Variants in SIPA1L1 observed in about 807,000 individuals in gnomAD.
The protein encoded by SIPA1L1 is signal-induced proliferation-associated 1-like protein 1.
In SIPA1L1, 26 loss-of-function variants were observed where a neutral mutation model predicts 162.7. That is an observed-to-expected ratio of 0.16 (90% confidence interval 0.12 to 0.22). The LOEUF (loss-of-function observed/expected upper bound fraction) is 0.22. Among genes scored for constraint, SIPA1L1 ranks in the 10% least tolerant of loss-of-function variants. The pLI, the probability that SIPA1L1 is intolerant of heterozygous loss-of-function variation, is 1.00. For missense variants in SIPA1L1, 1,874 were observed against 2,241.0 expected, an observed-to-expected ratio of 0.84 and a Z score of 3.31; for synonymous variants, 829 against 837.4, an observed-to-expected ratio of 0.99 and a Z score of 0.17.
intron 2 of SIPA1L1, among the ~76,000 whole-genome samples, chr14:71,492,583 G>A (rs1031295755): frequency 2.0e-5 from 3 of 152,188 alleles, no homozygotes; most frequent in Admixed American, 1.3e-4. Flanking sequence ...AAGACTGTGT[G>A]ATAGGACCAG....
chr14:71,403,018 A>G (rs2041788672), intron 2 of SIPA1L1, among the ~76,000 whole-genome samples: 1 of 152,102 alleles, frequency 6.6e-6, no homozygotes, highest in Non-Finnish European at 1.5e-5. Flanking sequence ...TTTTTGAGAG[A>G]CCTTCACATG....
chr14:71,352,187 T>C (rs971483501), intron 2 of SIPA1L1, among the ~76,000 whole-genome samples: 1 of 152,090 alleles, frequency 6.6e-6, no homozygotes, highest in Non-Finnish European at 1.5e-5. Flanking sequence ...ATGAATTTTC[T>C]GTCTTTTTCT....
rs1205382976 is a variant in SIPA1L1 at position 71,484,488 on chromosome 14, G to A, written c.-464-28255G>A. Among the ~76,000 whole-genome samples the A allele has an allele frequency of 5.3e-5, 8 of 152,104 alleles. No homozygotes were observed. The East Asian group carries it at 1.5e-3, about 29-fold the overall frequency. ...TATTAGCACTAATTTTTCCAACAAT[G>A]TTAGAAGGGGAATGATTTCATAGTG... On this transcript the variant is annotated intron_variant, in intron 2 of 23. Coordinates refer to ENST00000381232, the MANE Select transcript of SIPA1L1 (RefSeq NM_001386936.1).
At chr14:71,727,786 T>C (rs1044765097) in intron 19 of SIPA1L1, among the ~76,000 whole-genome samples, 2 of 152,216 alleles carry the variant, frequency 1.3e-5, no homozygotes, top group African/African-American at 4.8e-5. Context: ...CAGTTAGTTC[T>C]GCACACCTTT....
chr14:71,548,359 AT>A (rs1233201942), intron 4 of SIPA1L1, among the ~76,000 whole-genome samples: 5 of 152,310 alleles, frequency 3.3e-5, no homozygotes, highest in Non-Finnish European at 7.3e-5. Context: ...ATTTGAAATA[AT>A]TTTGAAAGAT....
intron 2 of SIPA1L1, among the ~76,000 whole-genome samples, chr14:71,387,303 C>T (rs1003522510): frequency 8.7e-6 from 1 of 115,124 alleles, no homozygotes. Context: ...ATTGTTAATA[C>T]AGAACTATTT....
intron 2 of SIPA1L1, among the ~76,000 whole-genome samples, chr14:71,414,751 G>A (rs1272120326): frequency 6.6e-6 from 1 of 152,176 alleles, no homozygotes; most frequent in Non-Finnish European, 1.5e-5. Flanking sequence ...ATAGTTTGGG[G>A]TGCCAGGCTT....
At chr14:71,735,895 G>A (rs1227021920) in intron 22 of SIPA1L1, among the ~76,000 whole-genome samples, 2 of 152,210 alleles carry the variant, frequency 1.3e-5, no homozygotes, top group Non-Finnish European at 2.9e-5. Context: ...GGTCCTAAGG[G>A]CTTCTCAGTC....
intron 2 of SIPA1L1, among the ~76,000 whole-genome samples, chr14:71,493,370 G>C (rs756570464): frequency 6.6e-5 from 10 of 152,160 alleles, no homozygotes; most frequent in Non-Finnish European, 1.5e-4. Flanking sequence ...TGGGATTACG[G>C]GTGTGAGCTA....
intron 2 of SIPA1L1, among the ~76,000 whole-genome samples, chr14:71,335,425 A>G (rs186457282): frequency 1.3e-5 from 2 of 152,348 alleles, no homozygotes; most frequent in Non-Finnish European, 2.9e-5. Flanking sequence ...ATCAGTCAGC[A>G]AGGTTCCACT....
At chr14:71,657,359 A>G (rs997223399) in intron 8 of SIPA1L1, among the ~76,000 whole-genome samples, 51 of 151,864 alleles carry the variant, frequency 3.4e-4, no homozygotes, top group Non-Finnish European at 6.5e-4. Context: ...AAAAAAAAAA[A>G]AAAAAAAATT....
At chr14:71,663,400 A>G (rs2043713868) in intron 10 of SIPA1L1, among the ~76,000 whole-genome samples, 1 of 152,208 alleles carries the variant, frequency 6.6e-6, no homozygotes, top group Non-Finnish European at 1.5e-5. Flanking sequence ...ATTTATAATG[A>G]AAAGGTAGAT....
intron 4 of SIPA1L1, among the ~76,000 whole-genome samples, chr14:71,579,556 G>GT (rs1375298954): frequency 1.3e-5 from 2 of 152,118 alleles, no homozygotes; most frequent in Non-Finnish European, 2.9e-5. Context: ...CAGAGATAAC[G>GT]GTACAGTCAG....
At chr14:71,450,659 C>T (rs139227438) in intron 2 of SIPA1L1, among the ~76,000 whole-genome samples, 4 of 151,994 alleles carry the variant, frequency 2.6e-5, no homozygotes, top group South Asian at 2.1e-4. Context: ...CCTGTTAGAA[C>T]GGCTGTTAGA....
intron 4 of SIPA1L1, among the ~76,000 whole-genome samples, chr14:71,551,254 T>C (rs1256250349): frequency 6.6e-6 from 1 of 152,232 alleles, no homozygotes; most frequent in African/African-American, 2.4e-5. Context: ...GATGTGTGTC[T>C]AGGGTAATGA....
At chr14:71,734,214 C>T (rs138579246) in intron 21 of SIPA1L1, among the ~76,000 whole-genome samples, 53 of 152,358 alleles carry the variant, frequency 3.5e-4, no homozygotes, top group African/African-American at 1.3e-3. Context: ...ATGTGGGGCG[C>T]CCCCTTTGCC....
intron 4 of SIPA1L1, among the ~76,000 whole-genome samples, chr14:71,543,947 A>ACATACGCACATGTGTG (rs2054773250): frequency 1.3e-5 from 2 of 150,296 alleles, no homozygotes; most frequent in Non-Finnish European, 3.0e-5. Context: ...GTATATATAC[A>ACATACGCACATGTGTG]TATACGCACA....
chr14:71,624,167 C>G lies in SIPA1L1; in HGVS notation c.1749C>G (p.Val583=), dbSNP rs776761551. Residue 583 remains valine, a synonymous_variant, in exon 7 of 24, where the codon GTC becomes GTG. Transcript: ENST00000381232. ...VLEHVVPELN[V]QCLRLAFNTP... ...AGCACGTGGTTCCTGAGCTCAATGTCCAGTGCCTGCGGTTGGCCTTCAACA... is the reference window on the plus strand; with the variant it reads ...AGCACGTGGTTCCTGAGCTCAATGTGCAGTGCCTGCGGTTGGCCTTCAACA... The G allele has an allele frequency of 1.9e-6, 3 of 1,614,188 alleles. No individual in the cohort carries two copies. The highest frequency in any genetic ancestry group is 3.3e-4 in the Middle Eastern group (2 of 6,062).
At chr14:71,702,689 T>G (rs2082175560) in intron 15 of SIPA1L1, among the ~76,000 whole-genome samples, 184 bp downstream of exon 15, 1 of 152,152 alleles carries the variant, frequency 6.6e-6, no homozygotes. Flanking sequence ...GAAAAGGAAT[T>G]CTAAGTGACC....
Sources: allele counts gnomAD v4.1 joint callset (sites outside exome capture counted in the v4.1 genomes callset), GRCh38; gene constraint gnomAD v4.1.1; transcripts MANE v1.5; gene names NCBI Gene and HGNC (gene_info 2026-07-23, HGNC 2026-07-21).